DACH2: variants seen among roughly 807,000 people sequenced by gnomAD.
DACH2 encodes the protein dachshund family transcription factor 2.
DACH2 carries 17 observed loss-of-function variants against 35.8 expected under a neutral mutation model. The ratio of observed to expected loss-of-function variants is 0.48; its 90% CI spans 0.33 to 0.71. The LOEUF is 0.71. DACH2 is among the 30% of genes least tolerant of loss of function. DACH2 has a pLI of 0.02. For synonymous variants in DACH2, 195 were observed against 177.3 expected (o/e 1.10, Z -0.79); for missense variants, 469 against 472.7 (o/e 0.99, Z 0.07).
intron 1 of DACH2, among the ~76,000 whole-genome samples, chrX:86,174,578 T>C (rs1169615462): frequency 8.9e-6 from 1 of 112,411 alleles, no homozygotes; most frequent in East Asian, 2.8e-4. Flanking sequence ...AAGAAACTTC[T>C]GTGATGAGGT....
chrX:86,538,600 C>T (rs184366243), intron 3 of DACH2, among the ~76,000 whole-genome samples: 104 of 111,857 alleles, frequency 9.3e-4, no homozygotes, highest in Non-Finnish European at 1.7e-3. Flanking sequence ...ACTGTGAAGG[C>T]CTTCTTGCAG....
intron 3 of DACH2, among the ~76,000 whole-genome samples, chrX:86,639,955 G>T (rs1454384652): frequency 9.0e-6 from 1 of 111,247 alleles, no homozygotes; most frequent in Non-Finnish European, 1.9e-5. Flanking sequence ...ACAGCAACAG[G>T]TTTGTACCTC....
chrX:86,789,263 G>A (rs1297251184), intron 7 of DACH2, among the ~76,000 whole-genome samples: 1 of 112,023 alleles, frequency 8.9e-6, no homozygotes, highest in Non-Finnish European at 1.9e-5. Context: ...TGTGAAAGAA[G>A]GGAATCACCC....
At chrX:86,158,721 C>T (rs780451580) in intron 1 of DACH2, among the ~76,000 whole-genome samples, 4 of 111,183 alleles carry the variant, frequency 3.6e-5, no homozygotes, top group East Asian at 5.7e-4. Flanking sequence ...AGTATATTTA[C>T]TAAATTATGA....
intron 1 of DACH2, among the ~76,000 whole-genome samples, chrX:86,287,755 A>G (rs769740372): frequency 1.8e-5 from 2 of 111,977 alleles, no homozygotes; most frequent in African/African-American, 6.5e-5. Context: ...CTATGTTTTA[A>G]TTAAATTTAT....
Position 86,148,719 on chromosome X carries a change from A to G in DACH2, c.99A>G (p.Arg33=). The change falls in exon 1 of 12, where the codon AGA becomes AGG. Residue 33 remains arginine (R), a synonymous_variant. Transcript: ENST00000373125. ...FRAEPLYSTP[R]EPPRLTPNMI... is the part of the protein sequence containing the mutation. ...CCGAACCCCTGTACTCGACTCCCAGAGAGCCCCCTCGTCTTACTCCTAATA... is the reference window on the plus strand; with the variant it reads ...CCGAACCCCTGTACTCGACTCCCAGGGAGCCCCCTCGTCTTACTCCTAATA... 1 of 1,211,059 alleles carries G rather than the reference A, an allele frequency of 8.3e-7. No individual in the cohort carries two copies. The highest frequency in any genetic ancestry group is 2.2e-5 in the Admixed American group (1 of 45,986).
chrX:86,177,008 T>G lies in DACH2; in HGVS notation c.488+27900T>G, dbSNP rs769807779. 2.7e-5 allele frequency among the ~76,000 whole-genome samples: 3 copies of G among 111,659 alleles called. No individual in the cohort carries two copies. In the South Asian group the frequency reaches 1.1e-3, roughly 42 times the overall value. On this transcript the variant is annotated intron_variant, in intron 1 of 11. Transcript: ENST00000373125. ...GGTTTTAATTTTCGTGGCTACATAT[T>G]AGGTGTGTAATGGGGTACATGAGGC...
At chrX:86,693,595 T>C (rs1334493133) in intron 4 of DACH2, among the ~76,000 whole-genome samples, 1 of 112,298 alleles carries the variant, frequency 8.9e-6, no homozygotes, top group Non-Finnish European at 1.9e-5. Context: ...TTTGCTTGAA[T>C]AAATGTTAAA....
intron 2 of DACH2, among the ~76,000 whole-genome samples, chrX:86,501,463 AG>A (rs1187724109): frequency 4.5e-5 from 5 of 112,289 alleles, no homozygotes; most frequent in Admixed American, 9.5e-5. Context: ...GGATTACAAT[AG>A]CCTCTCAGCA....
At chrX:86,515,460 T>C (rs762170206) in intron 3 of DACH2, among the ~76,000 whole-genome samples, 1 of 110,148 alleles carries the variant, frequency 9.1e-6, no homozygotes, top group Admixed American at 9.7e-5. Flanking sequence ...GCCCAGTGTG[T>C]TATGGGGAGT....
chrX:86,826,672 T>C (rs1450316002), intron 11 of DACH2, among the ~76,000 whole-genome samples: 6 of 112,120 alleles, frequency 5.4e-5, no homozygotes, highest in Non-Finnish European at 1.1e-4. Context: ...GTCACTTCTT[T>C]GATTTGAGAA....
chrX:86,777,485 C>G (rs1040601871), intron 7 of DACH2, among the ~76,000 whole-genome samples: 18 of 111,647 alleles, frequency 1.6e-4, no homozygotes, highest in African/African-American at 5.9e-4. Flanking sequence ...GGAAGACACA[C>G]TTCCTGATAT....
chrX:86,599,359 C>T (rs2039755984), intron 3 of DACH2, among the ~76,000 whole-genome samples: 1 of 109,728 alleles, frequency 9.1e-6, no homozygotes, highest in Admixed American at 9.7e-5. Flanking sequence ...CTTCCTTTCT[C>T]TTCCTCTTCC....
At chrX:86,666,293 A>G (rs1056814714) in intron 4 of DACH2, among the ~76,000 whole-genome samples, 1 of 89,504 alleles carries the variant, frequency 1.1e-5, no homozygotes, top group Non-Finnish European at 2.3e-5. Flanking sequence ...TTGGAGTGGG[A>G]TGTGTGTGTG....
intron 7 of DACH2, among the ~76,000 whole-genome samples, chrX:86,776,839 T>G (rs2058681320): frequency 9.0e-6 from 1 of 111,442 alleles, no homozygotes; most frequent in African/African-American, 3.3e-5. Context: ...CATGCGGTGT[T>G]TGGTTTTTTG....
At chrX:86,815,917 C>T (rs753005548) in intron 10 of DACH2, 117 bp from the exon 11 acceptor site, 255 of 435,394 alleles carry the variant, frequency 5.9e-4, no homozygotes, top group Non-Finnish European at 8.0e-4. Flanking sequence ...AACAAAAATG[C>T]CACCCAAGGT....
chrX:86,464,494 G>A (rs888221848), intron 2 of DACH2, among the ~76,000 whole-genome samples: 2 of 110,414 alleles, frequency 1.8e-5, no homozygotes, highest in South Asian at 7.8e-4. Flanking sequence ...ACCGGGAAGG[G>A]AACATCACAC....
intron 1 of DACH2, among the ~76,000 whole-genome samples, chrX:86,375,299 G>A (rs1424104292): frequency 9.7e-6 from 1 of 102,766 alleles, no homozygotes; most frequent in African/African-American, 3.5e-5. Context: ...AGATGTAAAT[G>A]ATTTTGATTT....
chrX:86,498,401 T>A (rs2038202868), intron 2 of DACH2, among the ~76,000 whole-genome samples: 2 of 112,479 alleles, frequency 1.8e-5, no homozygotes, highest in Admixed American at 1.9e-4. Flanking sequence ...AGCATATGGC[T>A]GAAGAGTAAT....
Sources: allele counts gnomAD v4.1 joint callset (sites outside exome capture counted in the v4.1 genomes callset), GRCh38; gene constraint gnomAD v4.1.1; transcripts MANE v1.5; gene names NCBI Gene and HGNC (gene_info 2026-07-23, HGNC 2026-07-21).